The following MLLT3 variants were observed in gnomAD, a reference collection of about 807,000 sequenced individuals.
MLLT3 encodes the protein MLLT3 super elongation complex subunit.
In MLLT3, 4 loss-of-function variants were observed where a neutral mutation model predicts 53.2. The observed-to-expected ratio is 0.08, with a 90% CI of 0.04 to 0.17. The LOEUF is 0.17. Among genes scored for constraint, MLLT3 ranks in the 10% least tolerant of loss-of-function variants. The probability of loss-of-function intolerance (pLI) is 1.00; values close to 1 mark genes in which losing one functional copy is unlikely to be tolerated. For missense variants in MLLT3, 569 were observed against 684.0 expected, an observed-to-expected ratio of 0.83 and a Z score of 1.87; for synonymous variants, 283 against 230.6, an observed-to-expected ratio of 1.23 and a Z score of -2.06.
At chr9:20,525,459 G>A (rs1818177586) in intron 2 of MLLT3, among the ~76,000 whole-genome samples, 1 of 152,168 alleles carries the variant, frequency 6.6e-6, no homozygotes. Flanking sequence ...TCCTGCCACT[G>A]CACTCCAGCC....
Position 20,342,836 on chromosome 9 carries a change from A to G in MLLT3, c.*3607T>C, listed in dbSNP as rs540564662. On this transcript the variant is annotated 3_prime_UTR_variant, in exon 11 of 11. Transcript: ENST00000380338. ...GATTACTCTGATAATATATATGTGT[A>G]TATATATATATATATGTATATATAA... 3.2e-3 allele frequency: 443 copies of G among 139,406 alleles called. 1 individual carries two copies. The highest frequency in any genetic ancestry group is 0.012 in the Middle Eastern group (4 of 330). The allele number at this position is 139,406 out of a possible 1,614,324, so 8.6% of individuals were successfully genotyped here. A position where few individuals can be genotyped will look rare whatever the true frequency, so the allele number is the denominator to read the frequency against.
At chr9:20,398,724 T>A (rs972229504) in intron 5 of MLLT3, among the ~76,000 whole-genome samples, 1 of 152,094 alleles carries the variant, frequency 6.6e-6, no homozygotes, top group African/African-American at 2.4e-5. Flanking sequence ...CACTGCAACA[T>A]CCTGTTATTG....
At chr9:20,559,431 G>A (rs748755053) in intron 2 of MLLT3, among the ~76,000 whole-genome samples, 1 of 152,084 alleles carries the variant, frequency 6.6e-6, no homozygotes, top group Non-Finnish European at 1.5e-5. Flanking sequence ...GAGGGGTGGG[G>A]GCATTTTACA....
chr9:20,452,283 G>C (rs143222666), intron 3 of MLLT3, among the ~76,000 whole-genome samples: 1 of 152,122 alleles, frequency 6.6e-6, no homozygotes, highest in African/African-American at 2.4e-5. Flanking sequence ...TTAGATTATG[G>C]GGGTGTTCCC....
intron 5 of MLLT3, among the ~76,000 whole-genome samples, chr9:20,375,011 T>C (rs1821721687): frequency 6.6e-6 from 1 of 152,234 alleles, no homozygotes; most frequent in Non-Finnish European, 1.5e-5. Context: ...TTTCTTACTA[T>C]GTGAGGACAC....
chr9:20,458,508 C>T lies in MLLT3; in HGVS notation c.194-1722G>A, dbSNP rs576742308. Among the ~76,000 whole-genome samples the T allele has an allele frequency of 2.0e-5, 3 of 152,286 alleles. No individual in the cohort carries two copies. In the East Asian group the frequency reaches 5.8e-4, roughly 29 times the overall value. Reference sequence around the variant, plus strand: ...ACTGAATGTTTGTATTCCCCTAAACCTCGTAAACTGAAATCCTATCAGGAG... The same window carrying T: ...ACTGAATGTTTGTATTCCCCTAAACTTCGTAAACTGAAATCCTATCAGGAG... On this transcript the variant is annotated intron_variant, in intron 2 of 10. Transcript: ENST00000380338.
At chr9:20,422,898 T>C (rs1823048747) in intron 4 of MLLT3, among the ~76,000 whole-genome samples, 1 of 152,176 alleles carries the variant, frequency 6.6e-6, no homozygotes, top group African/African-American at 2.4e-5. Flanking sequence ...TGCTTACTAA[T>C]CCAGACTGAT....
At chr9:20,547,856 G>C (rs1383038018) in intron 2 of MLLT3, among the ~76,000 whole-genome samples, 2 of 152,154 alleles carry the variant, frequency 1.3e-5, no homozygotes, top group Non-Finnish European at 2.9e-5. Flanking sequence ...GGAGGCTTAG[G>C]TGGGAGGATC....
At chr9:20,489,693 G>A (rs1330918363) in intron 2 of MLLT3, among the ~76,000 whole-genome samples, 1 of 152,146 alleles carries the variant, frequency 6.6e-6, no homozygotes, top group African/African-American at 2.4e-5. Flanking sequence ...AACATATCCT[G>A]AAAAAGCACA....
intron 2 of MLLT3, among the ~76,000 whole-genome samples, chr9:20,592,502 C>A (rs1820154421): frequency 6.6e-6 from 1 of 152,122 alleles, no homozygotes. Context: ...CTTATAAGGA[C>A]ACAAGTCATA....
intron 5 of MLLT3, among the ~76,000 whole-genome samples, chr9:20,403,971 C>G (rs949263424): frequency 1.3e-5 from 2 of 152,022 alleles, no homozygotes; most frequent in Non-Finnish European, 2.9e-5. Context: ...AGGTGAGAAC[C>G]ATCACACCCA....
chr9:20,481,487 T>C (rs542468963), intron 2 of MLLT3, among the ~76,000 whole-genome samples: 1 of 152,288 alleles, frequency 6.6e-6, no homozygotes, highest in Admixed American at 6.5e-5. Context: ...GACGGCCAAC[T>C]GTACTTGACT....
intron 2 of MLLT3, among the ~76,000 whole-genome samples, chr9:20,553,602 T>C (rs1818981595): frequency 6.6e-6 from 1 of 152,222 alleles, no homozygotes; most frequent in Non-Finnish European, 1.5e-5. Context: ...CTTGCCTTTC[T>C]ACTGAAATAG....
chr9:20,589,595 A>G (rs1587107355), intron 2 of MLLT3, among the ~76,000 whole-genome samples: 1 of 152,122 alleles, frequency 6.6e-6, no homozygotes, highest in East Asian at 1.9e-4. Flanking sequence ...AATAAAAAAA[A>G]AAAGAAAATT....
intron 4 of MLLT3, among the ~76,000 whole-genome samples, chr9:20,419,902 G>GA (rs1025130826): frequency 4.3e-4 from 64 of 150,268 alleles, no homozygotes; most frequent in Middle Eastern, 6.8e-3. Context: ...AAATCTAAAT[G>GA]AAAAAAAAAC....
chr9:20,438,213 A>G (rs554852133), intron 4 of MLLT3, among the ~76,000 whole-genome samples: 1 of 152,360 alleles, frequency 6.6e-6, no homozygotes, highest in African/African-American at 2.4e-5. Context: ...TCTAGACTAT[A>G]TCAAACAAGA....
intron 2 of MLLT3, among the ~76,000 whole-genome samples, chr9:20,491,718 A>ATTCC (rs1344219259): frequency 6.6e-6 from 1 of 152,156 alleles, no homozygotes; most frequent in Non-Finnish European, 1.5e-5. Context: ...GGGAGAAATA[A>ATTCC]TATTTGGGGA....
chr9:20,360,387 G>A (rs1821284956), intron 8 of MLLT3, among the ~76,000 whole-genome samples: 1 of 152,162 alleles, frequency 6.6e-6, no homozygotes, highest in Non-Finnish European at 1.5e-5. Context: ...AAAGAACCAA[G>A]CTCTATACTA....
At chr9:20,573,474 C>A (rs922600518) in intron 2 of MLLT3, among the ~76,000 whole-genome samples, 8 of 151,934 alleles carry the variant, frequency 5.3e-5, no homozygotes, top group Non-Finnish European at 8.8e-5. Context: ...ACCACTGTGG[C>A]CAGCCACGAG....
Sources: gnomAD v4.1 joint callset for allele counts (sites outside exome capture counted in the v4.1 genomes callset) on GRCh38, gnomAD v4.1.1 for gene constraint, MANE v1.5 for transcripts, NCBI Gene and HGNC (gene_info 2026-07-23, HGNC 2026-07-21) for gene names.